POC1B: variants seen among roughly 807,000 people sequenced by gnomAD.
The protein encoded by POC1B is POC1 centriolar protein homolog B.
POC1B carries 44 observed loss-of-function variants against 60.6 expected under a neutral mutation model. The ratio of observed to expected loss-of-function variants is 0.73; its 90% CI spans 0.57 to 0.93. POC1B has a LOEUF of 0.93. POC1B is among the 40% of genes least tolerant of loss of function. The probability of loss-of-function intolerance (pLI) is 0.00; values close to 1 mark genes in which losing one functional copy is unlikely to be tolerated. For synonymous variants in POC1B, 180 were observed against 198.9 expected (o/e 0.90, Z 0.80); for missense variants, 555 against 572.3 (o/e 0.97, Z 0.31).
Position 89,505,270 on chromosome 12 carries a change from A to T in POC1B, c.101-7928T>A, listed in dbSNP as rs565739042. On this transcript the variant is annotated intron_variant, in intron 2 of 11. Coordinates refer to ENST00000313546, the MANE Select transcript of POC1B (RefSeq NM_172240.3). The stretch of plus-strand genomic sequence containing the variant: ...CCACTTTGAAAATCTATTTTGAAAT[A>T]TCTATTGAAGCTGAATATATACTTA... Among the ~76,000 whole-genome samples, 159 of 152,358 alleles carry T rather than the reference A, an allele frequency of 1.0e-3. 1 individual carries two copies. Among genetic ancestry groups the T allele is most frequent in the African/African-American group, 3.6e-3 (151 of 41,574 alleles).
At chr12:89,410,449 G>T in the POC1B span, among the ~76,000 whole-genome samples, 103 of 152,136 alleles carry the variant, frequency 6.8e-4, no homozygotes, top group African/African-American at 2.9e-4. Flanking sequence ...GGAGGCCAAG[G>T]CAGGCAGATC....
chr12:89,472,371 A>G (rs1207237613), intron 4 of POC1B, 96 bp from the exon 5 acceptor site: 2 of 767,250 alleles, frequency 2.6e-6, no homozygotes, highest in Non-Finnish European at 4.3e-6. Context: ...GTAAATATTA[A>G]ATACCAGAGA....
At chr12:89,418,484 G>T (rs1426490364), downstream of POC1B, among the ~76,000 whole-genome samples, 1 of 152,178 alleles carries the variant, frequency 6.6e-6, no homozygotes, top group Non-Finnish European at 1.5e-5. Context: ...TGACATCAGG[G>T]AGACCAGTCA....
intron 10 of POC1B, among the ~76,000 whole-genome samples, chr12:89,445,624 T>A (rs1185274689): frequency 6.6e-6 from 1 of 152,234 alleles, no homozygotes; most frequent in Non-Finnish European, 1.5e-5. Flanking sequence ...GATTAAAGAC[T>A]TAAATGTTAC....
intron 4 of POC1B, among the ~76,000 whole-genome samples, chr12:89,483,306 G>T (rs556926989): frequency 6.6e-6 from 1 of 152,102 alleles, no homozygotes; most frequent in East Asian, 1.9e-4. Flanking sequence ...CCATGTATTT[G>T]CTTCCCCTTC....
At chr12:89,410,640 C>A in the POC1B span, among the ~76,000 whole-genome samples, 1,149 of 149,108 alleles carry the variant, frequency 7.7e-3, 12 homozygotes, top group African/African-American at 0.027. Context: ...AGATCCGCCA[C>A]TGCACTCCAG....
At chr12:89,442,808 C>G (rs904333732) in intron 10 of POC1B, among the ~76,000 whole-genome samples, 1 of 152,184 alleles carries the variant, frequency 6.6e-6, no homozygotes, top group African/African-American at 2.4e-5. Context: ...CACAGACTGG[C>G]AAATTGGATA....
At chr12:89,468,634 C>T (rs1303608553) in intron 7 of POC1B, among the ~76,000 whole-genome samples, 1 of 150,990 alleles carries the variant, frequency 6.6e-6, no homozygotes, top group Admixed American at 6.6e-5. Flanking sequence ...TTATTTTGTA[C>T]TTTTTTCATG....
chr12:89,502,623 T>TGGATCTTGTAAGGCCAC lies in POC1B; in HGVS notation c.101-5298_101-5282dup, dbSNP rs201080193. 1,636 of 1,321,146 alleles carry TGGATCTTGTAAGGCCAC rather than the reference T, an allele frequency of 1.2e-3. 17 individuals carry two copies. In the African/African-American group the frequency reaches 0.021, roughly 17 times the overall value. The allele number at this position is 1,321,146 out of a possible 1,614,324, so 81.8% of individuals were successfully genotyped here. ...CCAGAAACAAGAGAGATTATTCTCA[T>TGGATCTTGTAAGGCCAC]GGATCTTGTAAGGCCACAAGATACA... On this transcript the variant is annotated intron_variant, in intron 2 of 11. Coordinates refer to ENST00000313546, the MANE Select transcript of POC1B (RefSeq NM_172240.3).
chr12:89,436,558 AC>A (rs962119620), intron 10 of POC1B, among the ~76,000 whole-genome samples: 2 of 152,166 alleles, frequency 1.3e-5, no homozygotes, highest in African/African-American at 4.8e-5. Flanking sequence ...TACTAAAAAT[AC>A]AAAAATTAGC....
chr12:89,410,296 G>C, the POC1B span, among the ~76,000 whole-genome samples: 3 of 152,162 alleles, frequency 2.0e-5, no homozygotes, highest in African/African-American at 7.2e-5. Context: ...GGTATTGACG[G>C]AACGTCTCTC....
intron 2 of POC1B, chr12:89,524,611 C>A: frequency 6.4e-7 from 1 of 1,551,580 alleles, no homozygotes; most frequent in East Asian, 2.2e-5. Context: ...GGAAGGGCGG[C>A]GGAACCCACA....
intron 10 of POC1B, among the ~76,000 whole-genome samples, chr12:89,435,431 T>C (rs943859336): frequency 6.6e-6 from 1 of 152,212 alleles, no homozygotes; most frequent in Non-Finnish European, 1.5e-5. Context: ...TCCACCTGCC[T>C]TGGCTTCCCA....
intron 10 of POC1B, among the ~76,000 whole-genome samples, chr12:89,447,332 T>C (rs1881831819): frequency 6.6e-6 from 1 of 152,148 alleles, no homozygotes; most frequent in Admixed American, 6.5e-5. Flanking sequence ...TATATATAAT[T>C]CACGGAACAT....
intron 2 of POC1B, among the ~76,000 whole-genome samples, chr12:89,515,750 C>T (rs1191944231): frequency 6.6e-6 from 1 of 152,186 alleles, no homozygotes; most frequent in Non-Finnish European, 1.5e-5. Context: ...CCTTATGACT[C>T]ACTCACTTCC....
At chr12:89,525,643 T>C (rs1677526191) in intron 1 of POC1B, 2 of 1,279,120 alleles carry the variant, frequency 1.6e-6, no homozygotes, top group South Asian at 2.6e-5. Context: ...GCCGCCCAGC[T>C]CAGTCCGGAG....
chr12:89,463,415 C>T (rs577532000), intron 9 of POC1B, among the ~76,000 whole-genome samples: 10 of 146,684 alleles, frequency 6.8e-5, no homozygotes, highest in African/African-American at 1.5e-4. Context: ...ACTGCTGCTC[C>T]GGAGAAAAAT....
At chr12:89,418,941 G>C (rs1880420313), downstream of POC1B, among the ~76,000 whole-genome samples, 1 of 152,186 alleles carries the variant, frequency 6.6e-6, no homozygotes, top group Admixed American at 6.5e-5. Context: ...TTCCAGCCAA[G>C]AGATTAGTGG....
intron 2 of POC1B, chr12:89,520,686 A>G (rs1870775323): frequency 6.6e-6 from 1 of 152,212 alleles, no homozygotes; most frequent in Non-Finnish European, 1.5e-5. Context: ...TGAAATGGTT[A>G]TCCTAAAGAA....
Sources: allele counts gnomAD v4.1 joint callset (sites outside exome capture counted in the v4.1 genomes callset), GRCh38; gene constraint gnomAD v4.1.1; transcripts MANE v1.5; gene names NCBI Gene and HGNC (gene_info 2026-07-23, HGNC 2026-07-21).